ZDHHC7: variants seen among roughly 807,000 people sequenced by gnomAD.
The protein encoded by ZDHHC7 is palmitoyltransferase ZDHHC7.
ZDHHC7 carries 12 observed loss-of-function variants against 34.1 expected under a neutral mutation model. That is an observed-to-expected ratio of 0.35 (90% CI 0.23 to 0.57). ZDHHC7 has a LOEUF of 0.57. Among genes scored for constraint, ZDHHC7 ranks in the 20% least tolerant of loss-of-function variants. The pLI, the probability that ZDHHC7 is intolerant of heterozygous loss-of-function variation, is 0.84. For missense variants in ZDHHC7, 388 were observed against 402.7 expected (o/e 0.96, Z 0.31); for synonymous variants, 185 against 155.4 (o/e 1.19, Z -1.42).
At chr16:85,015,438 C>G (rs941987851), upstream of ZDHHC7, among the ~76,000 whole-genome samples, 4 of 152,086 alleles carry the variant, frequency 2.6e-5, no homozygotes, top group African/African-American at 9.7e-5. Context: ...GTGCCAGATT[C>G]TTAGTAAATT....
intron 1 of ZDHHC7, among the ~76,000 whole-genome samples, chr16:84,998,749 C>CTT (rs71151260): frequency 3.6e-3 from 403 of 112,490 alleles, no homozygotes; most frequent in East Asian, 4.0e-3. Context: ...CCTTCTGAAC[C>CTT]TTTTTTTTTT....
In ZDHHC7 at chr16:84,993,698, T is replaced by A. The variant is rs1056684515; in HGVS notation, c.-18+2224A>T. ...TTTAAAAATAATCATTTGAGTGAAA[T>A]AGAAAAAACTAAAGATCAAAAGAAT... On this transcript the variant is annotated intron_variant, in intron 2 of 7. Coordinates refer to ENST00000313732, the MANE Select transcript of ZDHHC7 (RefSeq NM_017740.3). Among the ~76,000 whole-genome samples the A allele has an allele frequency of 2.6e-5, 4 of 152,140 alleles. No homozygotes were observed. In the East Asian group the frequency reaches 5.8e-4, roughly 22 times the overall value.
Position 84,988,708 on chromosome 16 carries a change from T to C in ZDHHC7, c.315+1596A>G, listed in dbSNP as rs1013922734. The C allele has an allele frequency of 4.7e-6, 7 of 1,486,236 alleles. No individual in the cohort carries two copies. The African/African-American group carries it at 8.4e-5, about 18-fold the overall frequency. 92.1% of individuals were successfully genotyped at this position (1,486,236 alleles called of 1,614,324 possible). A position where few individuals can be genotyped will look rare whatever the true frequency, so the allele number is the denominator to read the frequency against. On this transcript the variant is annotated intron_variant, in intron 3 of 7. Coordinates refer to ENST00000313732, the MANE Select transcript of ZDHHC7 (RefSeq NM_017740.3). ...CGCTTGTCAGCAAAGAGGAGCAAAC[T>C]GCTGAGGACTCCCAGCCAGGCTGAC...
intron 3 of ZDHHC7, chr16:84,988,724 C>A (rs577180520): frequency 2.6e-6 from 4 of 1,539,688 alleles, no homozygotes; most frequent in African/African-American, 1.4e-5. Context: ...GGACTCCCAG[C>A]CAGGCTGACC....
In ZDHHC7 at chr16:84,975,685, T is replaced by C. The variant is rs3203780; in HGVS notation, c.*658A>G. On this transcript the variant is annotated 3_prime_UTR_variant, in exon 8 of 8. Transcript: ENST00000313732. ...CTGTACACAGCCGGTAAATGTTACA[T>C]TGCCTAAACAACACTGGCAATTTTG... The C allele has an allele frequency of 0.25, 38,536 of 152,634 alleles. 5,429 individuals are homozygous for C. The highest frequency in any genetic ancestry group is 0.37 in the African/African-American group (15,539 of 41,504). The allele number at this position is 152,634 out of a possible 1,614,324, so 9.5% of individuals were successfully genotyped here.
chr16:84,988,950 CTGGGCACTT>C (rs996740972), intron 3 of ZDHHC7: 4 of 1,443,100 alleles, frequency 2.8e-6, no homozygotes, highest in African/African-American at 2.8e-5. Context: ...GTCGAAGTGC[CTGGGCACTT>C]TGGGCAACAA....
chr16:85,011,910 G>A (rs963941970), upstream of ZDHHC7, among the ~76,000 whole-genome samples: 2 of 152,230 alleles, frequency 1.3e-5, no homozygotes, highest in Non-Finnish European at 2.9e-5. Context: ...GGGAGCGGGA[G>A]TGGAAATGGC....
In ZDHHC7 at chr16:84,974,686, ATC is replaced by A. The variant is rs1162148025; in HGVS notation, c.*1655_*1656del. 1 of 152,698 alleles carries A rather than the reference ATC, an allele frequency of 6.5e-6. No individual in the cohort carries two copies. The highest frequency in any genetic ancestry group is 1.5e-5 in the Non-Finnish European group (1 of 68,060). 9.5% of individuals were successfully genotyped at this position (152,698 alleles called of 1,614,324 possible). ...AATGTGCAAATGAATATGCAGAACA[ATC>A]TCGGAAACTGGCGTCTCCAGGATCA... On this transcript the variant is annotated 3_prime_UTR_variant, in exon 8 of 8. Coordinates refer to ENST00000313732, the MANE Select transcript of ZDHHC7 (RefSeq NM_017740.3).
At position 85,011,443 on chromosome 16, in the gene ZDHHC7, T is replaced by C. The variant is rs1482046829; in HGVS notation, c.-261A>G. The C allele has an allele frequency of 6.6e-6, 1 of 151,886 alleles. No homozygotes were observed. Among genetic ancestry groups the C allele is most frequent in the Non-Finnish European group, 1.5e-5 (1 of 67,650 alleles). 9.4% of individuals were successfully genotyped at this position (151,886 alleles called of 1,614,324 possible). A position where few individuals can be genotyped will look rare whatever the true frequency, so the allele number is the denominator to read the frequency against. On this transcript the variant is annotated 5_prime_UTR_variant, in exon 1 of 8. Coordinates refer to ENST00000313732, the MANE Select transcript of ZDHHC7 (RefSeq NM_017740.3). ...GCTCGGCTCGGCTTGGTCCCCTGGGTCCCGCCGGGCAGGTCGGAAGGAGGC... is the reference window on the plus strand; with the variant it reads ...GCTCGGCTCGGCTTGGTCCCCTGGGCCCCGCCGGGCAGGTCGGAAGGAGGC...
chr16:85,013,895 C>T (rs2143781341), upstream of ZDHHC7, among the ~76,000 whole-genome samples: 1 of 152,064 alleles, frequency 6.6e-6, no homozygotes, highest in African/African-American at 2.4e-5. Context: ...ACTATGTTGG[C>T]CAGGCTGGTC....
intron 1 of ZDHHC7, among the ~76,000 whole-genome samples, chr16:85,006,860 A>T (rs1423124611): frequency 2.0e-5 from 3 of 150,816 alleles, no homozygotes; most frequent in African/African-American, 7.5e-5. Flanking sequence ...ACTCTCTTCC[A>T]TATGGTGCTC....
intron 3 of ZDHHC7, among the ~76,000 whole-genome samples, chr16:84,988,046 T>A (rs1434217850): frequency 6.6e-6 from 1 of 152,168 alleles, no homozygotes; most frequent in African/African-American, 2.4e-5. Flanking sequence ...GGCAGGCACC[T>A]GTAGTCCCAG....
chr16:84,979,124 A>C, intron 5 of ZDHHC7, 65 bp downstream of exon 5: 1 of 1,478,724 alleles, frequency 6.8e-7, no homozygotes, highest in Non-Finnish European at 9.1e-7. Context: ...TCTCTGCTCC[A>C]GGCAAGAAGC....
intron 3 of ZDHHC7, among the ~76,000 whole-genome samples, chr16:84,984,925 G>T (rs2072417585): frequency 6.6e-6 from 1 of 152,216 alleles, no homozygotes; most frequent in Admixed American, 6.5e-5. Context: ...TGCCCACGAT[G>T]ACAGCGGCAG....
intron 1 of ZDHHC7, among the ~76,000 whole-genome samples, chr16:85,003,914 C>T (rs192999976): frequency 6.6e-6 from 1 of 152,162 alleles, no homozygotes; most frequent in Non-Finnish European, 1.5e-5. Flanking sequence ...TGACTGGATA[C>T]TTCTCCTCCA....
intron 2 of ZDHHC7, among the ~76,000 whole-genome samples, chr16:84,991,498 G>C (rs1361316860): frequency 6.6e-6 from 1 of 151,996 alleles, no homozygotes; most frequent in East Asian, 1.9e-4. Flanking sequence ...ATGTTGGCCA[G>C]GCTGGTCTCA....
At chr16:84,990,253 G>A (rs1179477073) in intron 3 of ZDHHC7, 51 bp downstream of exon 3, 9 of 1,583,878 alleles carry the variant, frequency 5.7e-6, no homozygotes, top group Non-Finnish European at 6.0e-6. Flanking sequence ...CACACCCGAG[G>A]ACACTAGACC....
chr16:85,000,811 G>A (rs1268516876), intron 1 of ZDHHC7, among the ~76,000 whole-genome samples: 1 of 152,198 alleles, frequency 6.6e-6, no homozygotes. Context: ...TGAGCCACAG[G>A]AGCAGAGCGC....
intron 1 of ZDHHC7, among the ~76,000 whole-genome samples, chr16:85,001,077 A>G (rs975474869): frequency 4.6e-5 from 7 of 152,176 alleles, no homozygotes; most frequent in Admixed American, 4.6e-4. Flanking sequence ...CTGAGGTCCA[A>G]TGGAACCACA....
Sources: allele counts gnomAD v4.1 joint callset (sites outside exome capture counted in the v4.1 genomes callset), GRCh38; gene constraint gnomAD v4.1.1; transcripts MANE v1.5; gene names NCBI Gene and HGNC (gene_info 2026-07-23, HGNC 2026-07-21).